Variants in PLCB4 observed in about 807,000 individuals in gnomAD.
The protein encoded by PLCB4 is 1-phosphatidylinositol 4,5-bisphosphate phosphodiesterase beta-4.
A neutral mutation model predicts 178.8 loss-of-function variants in PLCB4; 77 were observed. That is an observed-to-expected ratio of 0.43 (90% CI 0.36 to 0.52). The LOEUF is 0.52. Among genes scored for constraint, PLCB4 ranks in the 20% least tolerant of loss-of-function variants. The pLI is 0.00. For synonymous variants in PLCB4, 496 were observed against 490.8 expected, an observed-to-expected ratio of 1.01 and a Z score of -0.14; for missense variants, 1,024 against 1,453.4, an observed-to-expected ratio of 0.70 and a Z score of 4.80.
rs146582853 is a variant in PLCB4, at chr20:9,229,549, T to C, written c.-16+12097T>C. 2.4e-3 allele frequency among the ~76,000 whole-genome samples: 361 copies of C among 152,182 alleles called. 1 individual carries two copies. Among genetic ancestry groups the C allele is most frequent in the African/African-American group, 8.2e-3 (342 of 41,534 alleles). Reference sequence around the variant, plus strand: ...CCAAACTGTCAACAGGGATTCCCTTTCAAGGTTCCATTGGAGTTGGAAGTT... The same window carrying C: ...CCAAACTGTCAACAGGGATTCCCTTCCAAGGTTCCATTGGAGTTGGAAGTT... On this transcript the variant is annotated intron_variant, in intron 3 of 39. Transcript: ENST00000378473.
At chr20:9,425,958 C>T (rs2040973192) in intron 28 of PLCB4, among the ~76,000 whole-genome samples, 1 of 152,082 alleles carries the variant, frequency 6.6e-6, no homozygotes, top group African/African-American at 2.4e-5. Flanking sequence ...TTTAGCCAAC[C>T]TCCCACATTC....
intron 3 of PLCB4, among the ~76,000 whole-genome samples, chr20:9,247,978 C>T (rs940655860): frequency 3.3e-5 from 5 of 151,988 alleles, no homozygotes; most frequent in African/African-American, 4.8e-5. Flanking sequence ...TACAAAGCCC[C>T]GACTTACAGC....
At chr20:9,436,464 A>G (rs1040209039) in intron 29 of PLCB4, among the ~76,000 whole-genome samples, 1 of 152,030 alleles carries the variant, frequency 6.6e-6, no homozygotes, top group Non-Finnish European at 1.5e-5. Context: ...CCATCCTTCC[A>G]CCTCAGCCTC....
At chr20:9,419,586 G>A (rs887646211) in intron 25 of PLCB4, among the ~76,000 whole-genome samples, 23 of 152,308 alleles carry the variant, frequency 1.5e-4, no homozygotes, top group African/African-American at 5.3e-4. Context: ...AAGTTCCAGA[G>A]AAGATGATAG....
intron 26 of PLCB4, among the ~76,000 whole-genome samples, chr20:9,420,689 T>C (rs548397913): frequency 3.7e-4 from 56 of 152,326 alleles, no homozygotes; most frequent in African/African-American, 1.3e-3. Flanking sequence ...AAAAAAGCTG[T>C]TTCAGATTGT....
Position 9,479,340 on chromosome 20 carries a change from A to C in PLCB4, c.*331A>C, listed in dbSNP as rs1362028851. On this transcript the variant is annotated 3_prime_UTR_variant, in exon 40 of 40. Coordinates refer to ENST00000378473, the MANE Select transcript of PLCB4 (RefSeq NM_001377142.1). ...CAACTCTCCTTTGTGATGCCTTAGG[A>C]CATGTTTGAACTGCAGCAAAAAACA... 2.2e-5 allele frequency: 5 copies of C among 230,240 alleles called. No homozygotes were observed. Among genetic ancestry groups the C allele is most frequent in the Non-Finnish European group, 4.3e-5 (5 of 116,904 alleles). 14.3% of individuals were successfully genotyped at this position (230,240 alleles called of 1,614,324 possible).
rs776187887 is a variant in PLCB4, at chr20:9,453,420, C to T, written c.2954C>T (p.Ser985Leu). Residue 985 changes from serine to leucine, a missense_variant, in exon 33 of 40, where the codon TCG becomes TTG. Ser to Leu is a moderately radical substitution (Grantham distance 145). Around this residue, in one of 7 missense-constraint regions of PLCB4, gnomAD observed 264 missense variants for 283.2 expected, o/e 0.93. Coordinates refer to ENST00000378473, the MANE Select transcript of PLCB4 (RefSeq NM_001377142.1). Reference protein sequence around the residue: ...KIVAQYDKEKSTHEKILEKAM... With the variant: ...KIVAQYDKEKLTHEKILEKAM... ...GTGGCACAGTATGACAAAGAGAAGT[C>T]GACTCATGAGAAAATCCTAGAGAAG... 10 of 1,611,516 alleles carry T rather than the reference C, an allele frequency of 6.2e-6. No individual in the cohort carries two copies. The highest frequency in any genetic ancestry group is 2.2e-5 in the East Asian group (1 of 44,854).
At chr20:9,319,398 G>T (rs1443806583) in intron 4 of PLCB4, among the ~76,000 whole-genome samples, 3 of 152,116 alleles carry the variant, frequency 2.0e-5, no homozygotes, top group Non-Finnish European at 4.4e-5. Flanking sequence ...ATTAGTGAGG[G>T]TTCTCCAGAG....
rs150125370 is a variant in PLCB4 at position 9,128,478 on chromosome 20, G to A, written c.-79+32136G>A. On this transcript the variant is annotated intron_variant, in intron 2 of 39. Coordinates refer to ENST00000378473, the MANE Select transcript of PLCB4 (RefSeq NM_001377142.1). Reference sequence around the variant, plus strand: ...GTCACCCAGGCTGGAGTGCAGTGGCGCAGTCTTGGCTCACTGCATCCTCTG... The same window carrying A: ...GTCACCCAGGCTGGAGTGCAGTGGCACAGTCTTGGCTCACTGCATCCTCTG... Among the ~76,000 whole-genome samples, 17 of 152,144 alleles carry A rather than the reference G, an allele frequency of 1.1e-4. No homozygotes were observed. In the East Asian group the frequency reaches 2.7e-3, roughly 24 times the overall value.
At chr20:9,144,759 G>C (rs575425717) in intron 2 of PLCB4, among the ~76,000 whole-genome samples, 2 of 94,630 alleles carry the variant, frequency 2.1e-5, no homozygotes, top group Non-Finnish European at 4.3e-5. Flanking sequence ...GGGAAGGAGG[G>C]GAAGGAGGGG....
chr20:9,074,643 G>A (rs2089744468), intron 1 of PLCB4, among the ~76,000 whole-genome samples: 1 of 152,048 alleles, frequency 6.6e-6, no homozygotes. Context: ...ATCTTCCTTT[G>A]GACTTGCCAA....
At position 9,277,128 on chromosome 20, in the gene PLCB4, G is replaced by A. The variant is rs541437387; in HGVS notation, c.-15-30672G>A. On this transcript the variant is annotated intron_variant, in intron 3 of 39. Coordinates refer to ENST00000378473, the MANE Select transcript of PLCB4 (RefSeq NM_001377142.1). ...GCTATGTGACTGTCATCTTCCTTCCGTGTGGGAGAAGTGGATTCACTGCAT... is the reference window on the plus strand; with the variant it reads ...GCTATGTGACTGTCATCTTCCTTCCATGTGGGAGAAGTGGATTCACTGCAT... 1.4e-4 allele frequency among the ~76,000 whole-genome samples: 21 copies of A among 152,134 alleles called. No homozygotes were observed. The East Asian group carries it at 1.7e-3, about 13-fold the overall frequency.
intron 3 of PLCB4, among the ~76,000 whole-genome samples, chr20:9,253,221 C>T (rs992191596): frequency 3.9e-5 from 6 of 152,156 alleles, no homozygotes; most frequent in African/African-American, 1.2e-4. Context: ...GGTTTTGCTT[C>T]CCTCTGGCCT....
At chr20:9,193,601 T>G (rs1487599938) in intron 2 of PLCB4, among the ~76,000 whole-genome samples, 1 of 152,150 alleles carries the variant, frequency 6.6e-6, no homozygotes, top group Non-Finnish European at 1.5e-5. Context: ...GGCCACCATT[T>G]TGAATAGATT....
intron 2 of PLCB4, among the ~76,000 whole-genome samples, chr20:9,122,193 AC>A (rs1174495859): frequency 1.3e-5 from 2 of 152,136 alleles, no homozygotes; most frequent in Admixed American, 6.6e-5. Flanking sequence ...GTCGTAGATA[AC>A]TCTGTAAATT....
At chr20:9,450,849 A>G (rs1331449127) in intron 32 of PLCB4, among the ~76,000 whole-genome samples, 1 of 151,734 alleles carries the variant, frequency 6.6e-6, no homozygotes, top group African/African-American at 2.4e-5. Flanking sequence ...GGTTTTTGCC[A>G]TGTTAGCCAG....
intron 1 of PLCB4, among the ~76,000 whole-genome samples, chr20:9,091,912 A>G (rs2090700049): frequency 6.6e-6 from 1 of 152,002 alleles, no homozygotes. Context: ...TTCATTCAGC[A>G]TTTGTCAATA....
chr20:9,102,716 C>G (rs893534717), intron 2 of PLCB4, among the ~76,000 whole-genome samples: 2 of 151,494 alleles, frequency 1.3e-5, no homozygotes, highest in East Asian at 3.9e-4. Flanking sequence ...CTACTTTTTC[C>G]TCTTAATAAT....
At chr20:9,089,372 AT>A in intron 1 of PLCB4, among the ~76,000 whole-genome samples, 1 of 152,132 alleles carries the variant, frequency 6.6e-6, no homozygotes, top group East Asian at 1.9e-4. Flanking sequence ...TATGTAAAAA[AT>A]ATTGGAAAAT....
Sources: gnomAD v4.1 joint callset for allele counts (sites outside exome capture counted in the v4.1 genomes callset) on GRCh38, gnomAD v4.1.1 for gene constraint, gnomAD v4.1.1 regional missense constraint, MANE v1.5 for transcripts, NCBI Gene and HGNC (gene_info 2026-07-23, HGNC 2026-07-21) for gene names.